KHDRBS3: variants seen among roughly 807,000 people sequenced by gnomAD.
KHDRBS3 encodes the protein KH domain-containing, RNA-binding, signal transduction-associated protein 3.
In KHDRBS3, 23 loss-of-function variants were observed where a neutral mutation model predicts 45.6. That is an observed-to-expected ratio of 0.50 (90% CI 0.36 to 0.72). The LOEUF is 0.72. Ranked by LOEUF, KHDRBS3 falls within the 30% of genes least tolerant of loss-of-function variation. The pLI is 0.00. For synonymous variants in KHDRBS3, 162 were observed against 156.5 expected (o/e 1.04, Z -0.26); for missense variants, 352 against 424.8 (o/e 0.83, Z 1.51).
intron 1 of KHDRBS3, among the ~76,000 whole-genome samples, chr8:135,487,257 A>G (rs552799407): frequency 1.3e-5 from 2 of 152,300 alleles, no homozygotes; most frequent in African/African-American, 4.8e-5. Flanking sequence ...GCAACCTATC[A>G]TGTATACCTG....
At chr8:135,481,526 A>G (rs966454185) in intron 1 of KHDRBS3, among the ~76,000 whole-genome samples, 12 of 152,056 alleles carry the variant, frequency 7.9e-5, no homozygotes, top group African/African-American at 2.4e-4. Flanking sequence ...GGGACTGTGT[A>G]TGCACGGTGC....
chr8:135,501,155 C>A (rs1017257441), intron 1 of KHDRBS3, among the ~76,000 whole-genome samples: 2 of 152,154 alleles, frequency 1.3e-5, no homozygotes, highest in African/African-American at 4.8e-5. Flanking sequence ...TGCCTTTAAA[C>A]CATAGCTAGA....
intron 3 of KHDRBS3, among the ~76,000 whole-genome samples, chr8:135,544,815 ATATT>A (rs1165669750): frequency 6.6e-6 from 1 of 152,096 alleles, no homozygotes; most frequent in East Asian, 1.9e-4. Flanking sequence ...CTGATTGTGT[ATATT>A]TCATCAAGGC....
At chr8:135,510,172 C>T (rs1824206387) in intron 1 of KHDRBS3, among the ~76,000 whole-genome samples, 1 of 151,650 alleles carries the variant, frequency 6.6e-6, no homozygotes, top group African/African-American at 2.4e-5. Flanking sequence ...AGACATTGTT[C>T]AGGCTGTCTT....
At chr8:135,493,501 T>C (rs183801569) in intron 1 of KHDRBS3, among the ~76,000 whole-genome samples, 72 of 152,248 alleles carry the variant, frequency 4.7e-4, no homozygotes, top group African/African-American at 1.6e-3. Context: ...GTTTTTATTA[T>C]AGTAGTTGTT....
chr8:135,641,726 G>C (rs2131184570), intron 7 of KHDRBS3, among the ~76,000 whole-genome samples: 1 of 152,302 alleles, frequency 6.6e-6, no homozygotes, highest in East Asian at 1.9e-4. Context: ...TGGCACTGCA[G>C]GTAAAGGCCC....
In KHDRBS3 at chr8:135,581,897, G is replaced by T; in HGVS notation, c.631G>T (p.Ala211Ser). ...AITRGRGGVT[A>S]RPVGVVVPRG... Reference sequence around the variant, plus strand: ...TTACAGGGGAAGGGGAGGAGTTACAGCCCGGCCAGTTGGAGTTGTAGTACC... The same window carrying T: ...TTACAGGGGAAGGGGAGGAGTTACATCCCGGCCAGTTGGAGTTGTAGTACC... Residue 211 changes from alanine to serine, a missense_variant, in exon 6 of 9, where the codon GCC becomes TCC. Around this residue, in one of 6 missense-constraint regions of KHDRBS3, gnomAD observed 212 missense variants for 209.6 expected, o/e 1.01. Transcript: ENST00000355849. The T allele has an allele frequency of 6.2e-7, 1 of 1,602,330 alleles. No homozygotes were observed. Among genetic ancestry groups the T allele is most frequent in the East Asian group, 2.2e-5 (1 of 44,458 alleles).
chr8:135,541,230 C>T (rs1163196499), intron 2 of KHDRBS3: 2 of 152,008 alleles, frequency 1.3e-5, no homozygotes, highest in Non-Finnish European at 2.9e-5. Flanking sequence ...GTCCAATGTC[C>T]AAATAATAGG....
intron 7 of KHDRBS3, chr8:135,626,033 AGTTCC>A: frequency 1.6e-6 from 1 of 608,072 alleles, no homozygotes; most frequent in Non-Finnish European, 3.0e-6. Context: ...CTCCGGTTCC[AGTTCC>A]TTACTTTTTA....
chr8:135,626,823 AAG>A (rs1554642058), intron 7 of KHDRBS3, among the ~76,000 whole-genome samples: 1 of 150,898 alleles, frequency 6.6e-6, no homozygotes, highest in African/African-American at 2.4e-5. Flanking sequence ...AAAAAAAAAA[AAG>A]AGGCACAGTG....
At chr8:135,561,053 C>T (rs915484248) in intron 5 of KHDRBS3, among the ~76,000 whole-genome samples, 7 of 152,068 alleles carry the variant, frequency 4.6e-5, no homozygotes, top group African/African-American at 1.7e-4. Context: ...CTTCTTGGTA[C>T]GTGTTTTCTC....
intron 3 of KHDRBS3, among the ~76,000 whole-genome samples, chr8:135,545,049 A>G (rs1445287555): frequency 6.6e-6 from 1 of 152,070 alleles, no homozygotes; most frequent in African/African-American, 2.4e-5. Flanking sequence ...CTCTAGTAAA[A>G]TGTCCGAGAT....
At chr8:135,479,215 T>G (rs1193961101) in intron 1 of KHDRBS3, among the ~76,000 whole-genome samples, 1 of 152,184 alleles carries the variant, frequency 6.6e-6, no homozygotes, top group Admixed American at 6.5e-5. Flanking sequence ...ATTAGATACC[T>G]TAGATGAAAT....
chr8:135,594,181 TA>T (rs1398085829), intron 6 of KHDRBS3, among the ~76,000 whole-genome samples: 1 of 152,188 alleles, frequency 6.6e-6, no homozygotes, highest in Non-Finnish European at 1.5e-5. Context: ...CTATAGTGGT[TA>T]AAAGTAAATA....
chr8:135,590,202 T>C (rs1444750856), intron 6 of KHDRBS3, among the ~76,000 whole-genome samples: 1 of 152,166 alleles, frequency 6.6e-6, no homozygotes, highest in African/African-American at 2.4e-5. Flanking sequence ...TGTAACACAA[T>C]GGGGCATCTG....
chr8:135,649,033 T>G (rs1433406009), downstream of KHDRBS3, among the ~76,000 whole-genome samples: 2 of 152,190 alleles, frequency 1.3e-5, no homozygotes, highest in Non-Finnish European at 2.9e-5. Flanking sequence ...TATCTTAGTC[T>G]TATGGAAACA....
At chr8:135,625,877 G>C in intron 7 of KHDRBS3, 1 of 771,900 alleles carries the variant, frequency 1.3e-6, no homozygotes, top group Admixed American at 1.7e-5. Context: ...ACAGCTGTTC[G>C]ATCTTTGTCA....
intron 7 of KHDRBS3, among the ~76,000 whole-genome samples, chr8:135,640,717 C>CT (rs1831025264): frequency 6.6e-6 from 1 of 152,160 alleles, no homozygotes; most frequent in African/African-American, 2.4e-5. Flanking sequence ...AAGCCCCCCT[C>CT]TTGATCTGTT....
At chr8:135,518,336 C>G (rs1215679961) in intron 1 of KHDRBS3, among the ~76,000 whole-genome samples, 1 of 152,074 alleles carries the variant, frequency 6.6e-6, no homozygotes. Flanking sequence ...CCACGTCCAG[C>G]TAATTTTTTG....
Sources: allele counts gnomAD v4.1 joint callset (sites outside exome capture counted in the v4.1 genomes callset), GRCh38; gene constraint gnomAD v4.1.1; regional missense constraint gnomAD v4.1.1; transcripts MANE v1.5; gene names NCBI Gene and HGNC (gene_info 2026-07-23, HGNC 2026-07-21).